Variants in FBXL14 observed in about 807,000 individuals in gnomAD.
FBXL14 encodes the protein F-box and leucine rich repeat protein 14.
A neutral mutation model predicts 24.5 loss-of-function variants in FBXL14; 11 were observed. That is an observed-to-expected ratio of 0.45 (90% CI 0.28 to 0.74). The LOEUF (loss-of-function observed/expected upper bound fraction) is 0.74. Among genes scored for constraint, FBXL14 ranks in the 30% least tolerant of loss-of-function variants. The probability of loss-of-function intolerance (pLI) is 0.12; values close to 1 mark genes in which losing one functional copy is unlikely to be tolerated. For missense variants in FBXL14, 384 were observed against 545.6 expected, an observed-to-expected ratio of 0.70 and a Z score of 2.95; for synonymous variants, 294 against 240.4, an observed-to-expected ratio of 1.22 and a Z score of -2.06.
intron 1 of FBXL14, among the ~76,000 whole-genome samples, chr12:1,582,082 C>T (rs909819566): frequency 2.1e-4 from 31 of 150,692 alleles, no homozygotes; most frequent in Non-Finnish European, 1.5e-4. Context: ...GCTGAGATTG[C>T]ACCACTGCAT....
intron 1 of FBXL14, among the ~76,000 whole-genome samples, chr12:1,591,262 TTAGAG>T (rs2094488930): frequency 6.6e-6 from 1 of 151,864 alleles, no homozygotes; most frequent in Admixed American, 6.6e-5. Context: ...TTGCGTCCTC[TTAGAG>T]TATACAAACA....
In FBXL14 at chr12:1,567,885, A is replaced by ACG. The variant is rs2094438851; in HGVS notation, c.1195-1077_1195-1076dup. Among the ~76,000 whole-genome samples the ACG allele has an allele frequency of 6.6e-6, 1 of 152,218 alleles. No individual in the cohort carries two copies. Among genetic ancestry groups the ACG allele is most frequent in the Non-Finnish European group, 1.5e-5 (1 of 68,028 alleles). Reference sequence around the variant, plus strand: ...GAAAAGAAAACCCACCCACACGCACACGCGCGCACACACGTGCGCACACAC... The same window carrying ACG: ...GAAAAGAAAACCCACCCACACGCACACGCGCGCGCACACACGTGCGCACACAC... On this transcript the variant is annotated intron_variant, in intron 1 of 1. Transcript: ENST00000339235. The surrounding 1 kb of genome is among the most constrained non-coding windows in gnomAD (Gnocchi z 4.8).
intron 1 of FBXL14, among the ~76,000 whole-genome samples, chr12:1,578,706 A>C (rs565107491): frequency 6.6e-6 from 1 of 152,200 alleles, no homozygotes; most frequent in Non-Finnish European, 1.5e-5. Flanking sequence ...AAGCTGAAGA[A>C]TGATGATGAA....
Position 1,589,501 on chromosome 12 carries a change from GGAAATGGA to G in FBXL14, c.1194+3364_1194+3371del, listed in dbSNP as rs1250991656. Among the ~76,000 whole-genome samples, 4 of 148,860 alleles carry G rather than the reference GGAAATGGA, an allele frequency of 2.7e-5. No individual in the cohort carries two copies. The East Asian group carries it at 7.9e-4, about 30-fold the overall frequency. The stretch of plus-strand genomic sequence containing the variant: ...GGAAGGAAGGGAGGGAGGGAGGGAG[GGAAATGGA>G]GAAATGGAGCCTAGGTTTGAATCCT... On this transcript the variant is annotated intron_variant, in intron 1 of 1. Coordinates refer to ENST00000339235, the MANE Select transcript of FBXL14 (RefSeq NM_152441.3).
At chr12:1,584,237 G>A (rs978242916) in intron 1 of FBXL14, among the ~76,000 whole-genome samples, 3 of 152,136 alleles carry the variant, frequency 2.0e-5, no homozygotes, top group Non-Finnish European at 4.4e-5. Flanking sequence ...TGTGGTCCCA[G>A]CTACTCGGGA....
Position 1,566,478 on chromosome 12 carries a change from G to A in FBXL14, c.*270C>T. 1 of 372,904 alleles carries A rather than the reference G, an allele frequency of 2.7e-6. No individual in the cohort carries two copies. The allele number at this position is 372,904 out of a possible 1,614,324, so 23.1% of individuals were successfully genotyped here. On this transcript the variant is annotated 3_prime_UTR_variant, in exon 2 of 2. Coordinates refer to ENST00000339235, the MANE Select transcript of FBXL14 (RefSeq NM_152441.3). ...GCAAATTGCAATTCCATCCTAGCAA[G>A]TAAAAAGCTGAACAGACTGAAAAAG...
rs1434204395 is a variant in FBXL14 at position 1,594,425 on chromosome 12, C to T, written c.-359G>A. 1.4e-5 allele frequency among the ~76,000 whole-genome samples: 2 copies of T among 145,244 alleles called. No homozygotes were observed. Among genetic ancestry groups the T allele is most frequent in the East Asian group, 4.0e-4 (2 of 5,002 alleles). ...CGCGCCCGGGCCGCGCCGCTCCGCC[C>T]GCGCCGCCGCGCCCACGCCCCCTGC... On this transcript the variant is annotated 5_prime_UTR_variant, in exon 1 of 2. Coordinates refer to ENST00000339235, the MANE Select transcript of FBXL14 (RefSeq NM_152441.3).
At position 1,566,721 on chromosome 12, in the gene FBXL14, G is replaced by A. The variant is rs569387424; in HGVS notation, c.*27C>T. The A allele has an allele frequency of 1.4e-4, 110 of 780,758 alleles. 1 individual carries two copies. Among genetic ancestry groups the A allele is most frequent in the South Asian group, 1.2e-3 (91 of 74,528 alleles). The allele number at this position is 780,758 out of a possible 1,614,324, so 48.4% of individuals were successfully genotyped here. On this transcript the variant is annotated 3_prime_UTR_variant, in exon 2 of 2. Coordinates refer to ENST00000339235, the MANE Select transcript of FBXL14 (RefSeq NM_152441.3). The stretch of plus-strand genomic sequence containing the variant: ...GCAAGTCTGGAAGTTAAAGATCCAC[G>A]GGAACCATGTCGTTGTCCCCTCTCC...
At chr12:1,589,482 AAGGG>A (rs749054621) in intron 1 of FBXL14, among the ~76,000 whole-genome samples, 240 of 130,938 alleles carry the variant, frequency 1.8e-3, no homozygotes, top group Middle Eastern at 3.8e-3. Context: ...GACAGGAAGG[AAGGG>A]AGGGAGGGAG....
rs1211636161 is a variant in FBXL14, at chr12:1,567,970, G to A, written c.1195-1160C>T. 6.6e-6 allele frequency among the ~76,000 whole-genome samples: 1 copy of A among 152,220 alleles called. No individual in the cohort carries two copies. The highest frequency in any genetic ancestry group is 2.4e-5 in the African/African-American group (1 of 41,456). ...ACAAAAGGTGTAGCATGTGTAATGG[G>A]AATACCAGGAGGAGGAGAAAGAAGA... is the stretch of plus-strand genomic sequence containing the variant. On this transcript the variant is annotated intron_variant, in intron 1 of 1. Transcript: ENST00000339235. This position sits in a 1 kb window ranked among gnomAD's most constrained non-coding sequence, Gnocchi z 4.8.
chr12:1,571,710 A>G (rs1425307898), intron 1 of FBXL14, among the ~76,000 whole-genome samples: 3 of 152,210 alleles, frequency 2.0e-5, no homozygotes, highest in Non-Finnish European at 4.4e-5. Context: ...GGGTTTTCCT[A>G]GATTTCTCAC....
At position 1,593,587 on chromosome 12, in the gene FBXL14, G is replaced by A. The variant is rs753710566; in HGVS notation, c.480C>T (p.Gly160=). Residue 160 remains glycine (G), a synonymous_variant, in exon 1 of 2, where the codon GGC becomes GGT. Coordinates refer to ENST00000339235, the MANE Select transcript of FBXL14 (RefSeq NM_152441.3). The surrounding 1 kb of genome is among the most constrained non-coding windows in gnomAD (Gnocchi z 7.4). ...GCAGACCCCAGGCGATGAGCAGAAG[G>A]CCAGTGTTGGTGATGTTGCTGCAAC... ...LGGCSNITNT[G]LLLIAWGLQR... is the part of the protein sequence containing the mutation. The A allele has an allele frequency of 1.9e-6, 3 of 1,614,188 alleles. No individual in the cohort carries two copies. Among genetic ancestry groups the A allele is most frequent in the East Asian group, 2.2e-5 (1 of 44,880 alleles).
At chr12:1,573,743 A>G (rs1458837645) in intron 1 of FBXL14, among the ~76,000 whole-genome samples, 1 of 152,184 alleles carries the variant, frequency 6.6e-6, no homozygotes, top group East Asian at 1.9e-4. Flanking sequence ...GGTGGCTCAC[A>G]CCTGTAATCC....
rs2094496829 is a variant in FBXL14 at position 1,594,172 on chromosome 12, G to GCCGCCGCCGCCGCCGCCGCCA, written c.-107_-106insTGGCGGCGGCGGCGGCGGCGG. On this transcript the variant is annotated 5_prime_UTR_variant, in exon 1 of 2. Coordinates refer to ENST00000339235, the MANE Select transcript of FBXL14 (RefSeq NM_152441.3). ...CTTCTCCCCAGCCGCCGCCGCCGCC[G>GCCGCCGCCGCCGCCGCCGCCA]CCGCCGCCGCCTCGGGCCCAACGGC... is the stretch of plus-strand genomic sequence containing the variant. The GCCGCCGCCGCCGCCGCCGCCA allele has an allele frequency of 1.1e-6, 1 of 922,970 alleles. No homozygotes were observed. The highest frequency in any genetic ancestry group is 1.4e-6 in the Non-Finnish European group (1 of 723,246). 57.2% of individuals were successfully genotyped at this position (922,970 alleles called of 1,614,324 possible).
chr12:1,586,870 TC>T (rs1201780843), intron 1 of FBXL14, among the ~76,000 whole-genome samples: 2 of 152,244 alleles, frequency 1.3e-5, no homozygotes, highest in African/African-American at 4.8e-5. Flanking sequence ...TAATTGAGAC[TC>T]ATTTGTTTCC....
At chr12:1,594,825 C>A (rs2094498575), upstream of FBXL14, among the ~76,000 whole-genome samples, 2 of 151,720 alleles carry the variant, frequency 1.3e-5, no homozygotes, top group African/African-American at 4.8e-5. Context: ...CGCCCTGCAG[C>A]GCGTCCCCTC....
chr12:1,589,397 CAAAAAA>C (rs869295084), intron 1 of FBXL14, among the ~76,000 whole-genome samples: 2 of 10,982 alleles, frequency 1.8e-4, no homozygotes, highest in South Asian at 2.8e-3. Flanking sequence ...GACCTTGTCT[CAAAAAA>C]AAAAAAAAAA....
intron 1 of FBXL14, among the ~76,000 whole-genome samples, chr12:1,568,817 C>T (rs192001085): frequency 1.7e-3 from 254 of 152,246 alleles, no homozygotes; most frequent in South Asian, 6.4e-3. Flanking sequence ...GCCGAGATCA[C>T]GCCATTGCCC....
chr12:1,575,758 G>C (rs1362949415), intron 1 of FBXL14, among the ~76,000 whole-genome samples: 2 of 152,136 alleles, frequency 1.3e-5, no homozygotes, highest in Non-Finnish European at 2.9e-5. Flanking sequence ...AAATAGTGTG[G>C]AGTGTGTGCA....
Sources: gnomAD v4.1 joint callset for allele counts (sites outside exome capture counted in the v4.1 genomes callset) on GRCh38, gnomAD v4.1.1 for gene constraint, Gnocchi (gnomAD v3.1) non-coding constraint, MANE v1.5 for transcripts, NCBI Gene and HGNC (gene_info 2026-07-23, HGNC 2026-07-21) for gene names.